PPP4R3A: variants seen among roughly 807,000 people sequenced by gnomAD.
PPP4R3A encodes the protein protein phosphatase 4 regulatory subunit 3A, also known as serine/threonine-protein phosphatase 4 regulatory subunit 3A.
PPP4R3A carries 15 observed loss-of-function variants against 91.7 expected under a neutral mutation model. That is an observed-to-expected ratio of 0.16 (90% CI 0.11 to 0.25). The LOEUF is 0.25. Among genes scored for constraint, PPP4R3A ranks in the 10% least tolerant of loss-of-function variants. The pLI, the probability that PPP4R3A is intolerant of heterozygous loss-of-function variation, is 1.00. For missense variants in PPP4R3A, 623 were observed against 998.4 expected (o/e 0.62, Z 5.07); for synonymous variants, 377 against 348.7 (o/e 1.08, Z -0.91).
At position 91,482,208 on chromosome 14, in the gene PPP4R3A, T is replaced by G. The variant is rs1435308470; in HGVS notation, c.298-15A>C. 5.1e-6 allele frequency: 8 copies of G among 1,567,504 alleles called. No individual in the cohort carries two copies. The East Asian group carries it at 1.4e-4, about 26-fold the overall frequency. On this transcript the variant is annotated splice_polypyrimidine_tract_variant and intron_variant, in intron 3 of 14. Coordinates refer to ENST00000554943, the MANE Select transcript of PPP4R3A (RefSeq NM_001366432.2). ...TTTCCTTGAACCTATGAAAAAAAAT[T>G]TAATTGCTGACAAAATAGATAACAG... is the stretch of plus-strand genomic sequence containing the variant.
Position 91,465,144 on chromosome 14 carries a change from TA to T in PPP4R3A, c.1830+105del, listed in dbSNP as rs1255210804. 63 of 752,208 alleles carry T rather than the reference TA, an allele frequency of 8.4e-5. 1 individual carries two copies. The highest frequency in any genetic ancestry group is 1.7e-4 in the African/African-American group (9 of 51,588). The allele number at this position is 752,208 out of a possible 1,614,324, so 46.6% of individuals were successfully genotyped here. A position where few individuals can be genotyped will look rare whatever the true frequency, so the allele number is the denominator to read the frequency against. On this transcript the variant is annotated intron_variant, in intron 11 of 14. Transcript: ENST00000554943. The stretch of plus-strand genomic sequence containing the variant: ...GGCTTTTAGTACTTTTTTTTTTTTT[TA>T]AATCTCTCCAAATATTATCATCTCA...
At chr14:91,461,306 G>C in intron 14 of PPP4R3A, 75 bp downstream of exon 14, 4 of 1,375,714 alleles carry the variant, frequency 2.9e-6, no homozygotes, top group Non-Finnish European at 2.0e-6. Context: ...TAACCAAAGG[G>C]AATCTTAGTC....
chr14:91,495,375 C>T (rs1199685706), intron 1 of PPP4R3A, among the ~76,000 whole-genome samples: 6 of 150,324 alleles, frequency 4.0e-5, no homozygotes, highest in African/African-American at 1.2e-4. Flanking sequence ...AGTGCAGTGG[C>T]GTGATCTGAG....
chr14:91,477,925 G>A (rs1157493417), intron 4 of PPP4R3A, among the ~76,000 whole-genome samples: 3 of 151,152 alleles, frequency 2.0e-5, no homozygotes, highest in Non-Finnish European at 2.9e-5. Context: ...CTGGGATTAC[G>A]CACATGAACC....
rs1887913639 is a variant in PPP4R3A, at chr14:91,458,596, T to TG, written c.*162dup. ...CTAAATATATGATATCCCCTCCTCC[T>TG]GCTCCATTGAATTGGCACTTGATGA... is the stretch of plus-strand genomic sequence containing the variant. On this transcript the variant is annotated 3_prime_UTR_variant, in exon 15 of 15. Transcript: ENST00000554943. The TG allele has an allele frequency of 9.2e-6, 9 of 978,812 alleles. No individual in the cohort carries two copies. In the South Asian group the frequency reaches 1.2e-4, roughly 13 times the overall value. 60.6% of individuals were successfully genotyped at this position (978,812 alleles called of 1,614,324 possible). A position where few individuals can be genotyped will look rare whatever the true frequency, so the allele number is the denominator to read the frequency against.
rs766725425 is a variant in PPP4R3A, at chr14:91,476,891, T to C, written c.993+18A>G. On this transcript the variant is annotated intron_variant, in intron 5 of 14. Transcript: ENST00000554943. ...AGTTGTTTTATTTTTATGCCTTTCA[T>C]AGTATCTAATTTCTTACCAATTCCT... 35 of 1,569,006 alleles carry C rather than the reference T, an allele frequency of 2.2e-5. No homozygotes were observed. In the South Asian group the frequency reaches 3.5e-4, roughly 16 times the overall value.
At chr14:91,484,193 T>C (rs1889742158) in intron 3 of PPP4R3A, among the ~76,000 whole-genome samples, 2 of 152,230 alleles carry the variant, frequency 1.3e-5, no homozygotes, top group Admixed American at 6.5e-5. Context: ...CCTTTCATGT[T>C]TCAGAGAAGG....
intron 12 of PPP4R3A, 110 bp from the exon 13 acceptor site, chr14:91,462,349 T>C: frequency 9.1e-7 from 1 of 1,094,198 alleles, no homozygotes; most frequent in Non-Finnish European, 1.2e-6. Context: ...AATTTACAAA[T>C]ATTAAAGTAT....
intron 13 of PPP4R3A, 145 bp downstream of exon 13, chr14:91,461,904 A>G (rs901756044): frequency 2.3e-6 from 3 of 1,300,616 alleles, no homozygotes; most frequent in South Asian, 1.8e-5. Context: ...CAACACTGCT[A>G]TTCAGTCACA....
chr14:91,483,821 A>G (rs956623349), intron 3 of PPP4R3A, among the ~76,000 whole-genome samples: 2 of 152,220 alleles, frequency 1.3e-5, no homozygotes, highest in Non-Finnish European at 2.9e-5. Flanking sequence ...CTAGTGATAA[A>G]ATTATTAAGA....
At chr14:91,505,264 C>T (rs1891221556) in intron 1 of PPP4R3A, among the ~76,000 whole-genome samples, 1 of 152,054 alleles carries the variant, frequency 6.6e-6, no homozygotes, top group Admixed American at 6.6e-5. Flanking sequence ...ACCAGCCTGG[C>T]CAACATGGTG....
Position 91,507,342 on chromosome 14 carries a change from T to TTATATATACTATATAG in PPP4R3A, c.142+2148_142+2163dup, listed in dbSNP as rs1401437378. ...ATCTCAAAAAAAAAATCTATACATATTATATATACTATATAGTATATATAC... is the reference window on the plus strand; with the variant it reads ...ATCTCAAAAAAAAAATCTATACATATTATATATACTATATAGTATATATACTATATAGTATATATAC... On this transcript the variant is annotated intron_variant, in intron 1 of 14. Coordinates refer to ENST00000554943, the MANE Select transcript of PPP4R3A (RefSeq NM_001366432.2). Among the ~76,000 whole-genome samples, 27 of 112,316 alleles carry TTATATATACTATATAG rather than the reference T, an allele frequency of 2.4e-4. 1 individual carries two copies. The highest frequency in any genetic ancestry group is 9.5e-4 in the African/African-American group (23 of 24,100). 73.7% of individuals were successfully genotyped at this position (112,316 alleles called of 152,430 possible).
rs1409061950 is a variant in PPP4R3A at position 91,490,619 on chromosome 14, T to C, written c.198+128A>G. ...ACACTATAGGAATTGGCAGAAATCC[T>C]ATTTTAGAATTTCACTGCCAAACTG... is the stretch of plus-strand genomic sequence containing the variant. On this transcript the variant is annotated intron_variant, in intron 2 of 14. Transcript: ENST00000554943. 3 of 687,306 alleles carry C rather than the reference T, an allele frequency of 4.4e-6. No individual in the cohort carries two copies. The East Asian group carries it at 9.5e-5, about 22-fold the overall frequency. 42.6% of individuals were successfully genotyped at this position (687,306 alleles called of 1,614,324 possible).
intron 1 of PPP4R3A, among the ~76,000 whole-genome samples, chr14:91,498,811 G>A (rs1217001626): frequency 6.6e-6 from 1 of 151,794 alleles, no homozygotes; most frequent in East Asian, 1.9e-4. Flanking sequence ...CCACTCGGGA[G>A]GCTGAGGCAG....
chr14:91,458,736 C>A lies in PPP4R3A; in HGVS notation c.*23G>T. On this transcript the variant is annotated 3_prime_UTR_variant, in exon 15 of 15. Transcript: ENST00000554943. ...GAGAACCAGTTTTTTTCAACAGGTA[C>A]TGATCCTAGGCCGTTGCCATTATTA... 6.2e-7 allele frequency: 1 copy of A among 1,614,006 alleles called. No individual in the cohort carries two copies. Among genetic ancestry groups the A allele is most frequent in the Non-Finnish European group, 8.5e-7 (1 of 1,179,940 alleles).
In PPP4R3A at chr14:91,458,825, A is replaced by G; in HGVS notation, c.2436T>C (p.Asp812=). 1 of 1,613,696 alleles carries G rather than the reference A, an allele frequency of 6.2e-7. No individual in the cohort carries two copies. Among genetic ancestry groups the G allele is most frequent in the Non-Finnish European group, 8.5e-7 (1 of 1,179,774 alleles). ...CTTCCTTATCTTCATCCTCATCATCATCTTCATCATCATCAGGATAATCTA... is the reference window on the plus strand; with the variant it reads ...CTTCCTTATCTTCATCCTCATCATCGTCTTCATCATCATCAGGATAATCTA... ...GLVDYPDDDE[D]DDEDEDKEDT... The change falls in exon 15 of 15, where the codon GAT becomes GAC. Residue 812 remains aspartate, a synonymous_variant. Transcript: ENST00000554943.
intron 10 of PPP4R3A, among the ~76,000 whole-genome samples, chr14:91,469,101 T>C (rs1332902845): frequency 2.5e-5 from 3 of 122,026 alleles, no homozygotes; most frequent in Non-Finnish European, 4.9e-5. Flanking sequence ...TGCTAGAGGT[T>C]GCAAATTTTT....
intron 1 of PPP4R3A, among the ~76,000 whole-genome samples, chr14:91,503,908 TA>T (rs1891116443): frequency 6.6e-6 from 1 of 152,076 alleles, no homozygotes; most frequent in African/African-American, 2.4e-5. Flanking sequence ...ACGGCTATCA[TA>T]AAAACTGAGA....
intron 4 of PPP4R3A, among the ~76,000 whole-genome samples, chr14:91,480,654 C>T (rs1420494463): frequency 6.6e-6 from 1 of 152,146 alleles, no homozygotes; most frequent in African/African-American, 2.4e-5. Context: ...CTTTGTGCTT[C>T]ACTCTTTCCT....
Sources: gnomAD v4.1 joint callset for allele counts (sites outside exome capture counted in the v4.1 genomes callset) on GRCh38, gnomAD v4.1.1 for gene constraint, MANE v1.5 for transcripts, NCBI Gene and HGNC (gene_info 2026-07-23, HGNC 2026-07-21) for gene names.